The following CRADD variants were observed in gnomAD, a reference collection of about 807,000 sequenced individuals.
The protein encoded by CRADD is CARD and death domain containing adaptor protein, also known as death domain-containing protein CRADD.
CRADD carries 9 observed loss-of-function variants against 15.5 expected under a neutral mutation model. That is an observed-to-expected ratio of 0.58 (90% CI 0.35 to 1.01). CRADD has a LOEUF of 1.01. CRADD is among the 50% of genes least tolerant of loss of function. The pLI, the probability that CRADD is intolerant of heterozygous loss-of-function variation, is 0.02. For missense variants in CRADD, 227 were observed against 250.3 expected (o/e 0.91, Z 0.63); for synonymous variants, 118 against 107.6 (o/e 1.10, Z -0.60).
At chr12:93,708,137 T>A (rs1955990829) in intron 2 of CRADD, 1 of 152,182 alleles carries the variant, frequency 6.6e-6, no homozygotes, top group South Asian at 2.1e-4. Flanking sequence ...ATCTGTTAGG[T>A]GCCAGGCCCT....
chr12:93,725,398 G>A (rs1169351576), intron 2 of CRADD, among the ~76,000 whole-genome samples: 1 of 152,234 alleles, frequency 6.6e-6, no homozygotes, highest in Middle Eastern at 3.4e-3. Context: ...TTCTCACACT[G>A]TCCTGTTTTG....
chr12:93,696,198 A>C (rs1447326645), intron 2 of CRADD, among the ~76,000 whole-genome samples: 3 of 152,152 alleles, frequency 2.0e-5, no homozygotes, highest in African/African-American at 7.2e-5. Flanking sequence ...AAAAAATTTA[A>C]AATAGAACTC....
At chr12:93,765,075 G>A (rs1401280813) in intron 2 of CRADD, among the ~76,000 whole-genome samples, 1 of 151,954 alleles carries the variant, frequency 6.6e-6, no homozygotes, top group Non-Finnish European at 1.5e-5. Flanking sequence ...CTTGAGCATG[G>A]TTATACATCA....
In CRADD at chr12:93,714,980, G is replaced by A. The variant is rs554821993; in HGVS notation, c.298+35908G>A. The A allele has an allele frequency of 4.6e-5, 7 of 152,244 alleles. No homozygotes were observed. The East Asian group carries it at 9.7e-4, about 21-fold the overall frequency. The allele number at this position is 152,244 out of a possible 1,614,324, so 9.4% of individuals were successfully genotyped here. ...AAAAGAACAGGGTCTGCCGCAGATAGTTTTAGGTGTGACTGAGGGCACCAC... is the reference window on the plus strand; with the variant it reads ...AAAAGAACAGGGTCTGCCGCAGATAATTTTAGGTGTGACTGAGGGCACCAC... On this transcript the variant is annotated intron_variant, in intron 2 of 2. Coordinates refer to ENST00000332896, the MANE Select transcript of CRADD (RefSeq NM_003805.5).
intron 2 of CRADD, among the ~76,000 whole-genome samples, chr12:93,752,374 G>A (rs758711381): frequency 5.3e-5 from 8 of 152,212 alleles, no homozygotes; most frequent in Non-Finnish European, 1.2e-4. Flanking sequence ...GGTTATGTTA[G>A]TGATCAGTGA....
chr12:93,730,021 C>T (rs969250698), intron 2 of CRADD, among the ~76,000 whole-genome samples: 7 of 152,110 alleles, frequency 4.6e-5, no homozygotes, highest in East Asian at 1.9e-4. Context: ...TACAAATGGC[C>T]GCTGAATTCT....
At position 93,732,076 on chromosome 12, in the gene CRADD, C is replaced by T. The variant is rs150577707; in HGVS notation, c.298+53004C>T. ...GCTTGAACGCAGGAGGTGGAGGTTG[C>T]GGTGAGCCGAGATGGCACCATTGCA... is the stretch of plus-strand genomic sequence containing the variant. On this transcript the variant is annotated intron_variant, in intron 2 of 2. Transcript: ENST00000332896. Among the ~76,000 whole-genome samples the T allele has an allele frequency of 5.7e-3, 852 of 149,736 alleles. 9 individuals carry two copies. The highest frequency in any genetic ancestry group is 0.02 in the African/African-American group (812 of 40,548).
At chr12:93,789,028 C>T (rs1000018430) in intron 2 of CRADD, among the ~76,000 whole-genome samples, 1 of 152,100 alleles carries the variant, frequency 6.6e-6, no homozygotes. Context: ...ATGTCTTATC[C>T]TTGGTGGTCA....
chr12:93,764,660 G>T (rs1264535702), intron 2 of CRADD, among the ~76,000 whole-genome samples: 1 of 152,084 alleles, frequency 6.6e-6, no homozygotes. Flanking sequence ...CTAGGGAAGA[G>T]ATGGTGGTAT....
intron 2 of CRADD, among the ~76,000 whole-genome samples, chr12:93,789,645 T>TGA (rs1219833824): frequency 6.6e-6 from 1 of 151,854 alleles, no homozygotes; most frequent in African/African-American, 2.4e-5. Context: ...CTTTGAGGGA[T>TGA]GAGGGGTGTG....
chr12:93,685,163 G>A (rs371910623), intron 2 of CRADD, among the ~76,000 whole-genome samples: 19 of 151,994 alleles, frequency 1.3e-4, no homozygotes, highest in African/African-American at 4.6e-4. Context: ...TGCTTTTTTT[G>A]TGTCAACTTA....
At chr12:93,714,694 C>T (rs1428659874) in intron 2 of CRADD, 1 of 152,218 alleles carries the variant, frequency 6.6e-6, no homozygotes, top group East Asian at 1.9e-4. Context: ...GCAGTCACAG[C>T]TACCAACAGC....
At chr12:93,729,248 C>T (rs577262344) in intron 2 of CRADD, among the ~76,000 whole-genome samples, 1 of 152,204 alleles carries the variant, frequency 6.6e-6, no homozygotes, top group East Asian at 1.9e-4. Context: ...GCCAGGGTGG[C>T]ACATCAAGTC....
chr12:93,764,157 A>T (rs1248969896), intron 2 of CRADD, among the ~76,000 whole-genome samples: 3 of 149,746 alleles, frequency 2.0e-5, no homozygotes, highest in African/African-American at 4.9e-5. Flanking sequence ...AGTTATTTTA[A>T]TCAGGGGATC....
chr12:93,868,390 A>G lies in CRADD; in HGVS notation c.299-25660A>G, dbSNP rs191854180. 4.9e-4 allele frequency among the ~76,000 whole-genome samples: 75 copies of G among 152,312 alleles called. 1 individual carries two copies. The highest frequency in any genetic ancestry group is 1.7e-3 in the African/African-American group (72 of 41,564). On this transcript the variant is annotated intron_variant, in intron 2 of 2. Transcript: ENST00000548483. ...GAACATTGAAAGAGACCTAATTCAT[A>G]ACCTATAACTCCATTTATAATTTAT...
At chr12:93,769,841 G>T (rs1473180456) in intron 2 of CRADD, among the ~76,000 whole-genome samples, 1 of 152,174 alleles carries the variant, frequency 6.6e-6, no homozygotes, top group Non-Finnish European at 1.5e-5. Context: ...CTTTTCCATA[G>T]AACTGTCAGA....
intron 2 of CRADD, among the ~76,000 whole-genome samples, chr12:93,690,610 A>G (rs1054575197): frequency 6.6e-6 from 1 of 152,260 alleles, no homozygotes; most frequent in Non-Finnish European, 1.5e-5. Context: ...CTTTATTATC[A>G]TAATAGCCCT....
intron 2 of CRADD, among the ~76,000 whole-genome samples, chr12:93,692,311 A>T (rs570178861): frequency 2.6e-5 from 4 of 152,294 alleles, no homozygotes; most frequent in Non-Finnish European, 4.4e-5. Flanking sequence ...AGCTGTTTTA[A>T]AGAAATATTA....
intron 2 of CRADD, among the ~76,000 whole-genome samples, chr12:93,807,344 C>G (rs1278264768): frequency 6.6e-6 from 1 of 152,040 alleles, no homozygotes; most frequent in Non-Finnish European, 1.5e-5. Flanking sequence ...GGAATGCTCC[C>G]CATGTCAGGT....
Sources: gnomAD v4.1 joint callset for allele counts (sites outside exome capture counted in the v4.1 genomes callset) on GRCh38, gnomAD v4.1.1 for gene constraint, MANE v1.5 for transcripts, NCBI Gene and HGNC (gene_info 2026-07-23, HGNC 2026-07-21) for gene names.